The following PTPRT variants were observed in gnomAD, a reference collection of about 807,000 sequenced individuals.
PTPRT encodes the protein receptor-type tyrosine-protein phosphatase T.
Under a neutral mutation model 176.8 loss-of-function variants are expected in PTPRT, and 56 were observed. The ratio of observed to expected loss-of-function variants is 0.32; its 90% CI spans 0.26 to 0.40. The LOEUF is 0.40. PTPRT is among the 10% of genes least tolerant of loss of function. PTPRT has a pLI of 1.00. For missense variants in PTPRT, 1,540 were observed against 1,908.2 expected (o/e 0.81, Z 3.60); for synonymous variants, 783 against 739.0 (o/e 1.06, Z -0.96).
Position 42,935,862 on chromosome 20 carries a change from G to T in PTPRT, c.89-49930C>A, listed in dbSNP as rs149485762. On this transcript the variant is annotated intron_variant, in intron 1 of 30. Transcript: ENST00000373187. The stretch of plus-strand genomic sequence containing the variant: ...TCTCCTGGATTGAAGTAATTCTCCT[G>T]CCTCAGCCTCCCGAGTAGCTGGGAT... Among the ~76,000 whole-genome samples, 416 of 152,224 alleles carry T rather than the reference G, an allele frequency of 2.7e-3. 1 individual carries two copies. Among genetic ancestry groups the T allele is most frequent in the African/African-American group, 9.6e-3 (399 of 41,536 alleles).
intron 1 of PTPRT, among the ~76,000 whole-genome samples, chr20:43,183,866 A>C (rs1213762546): frequency 6.6e-6 from 1 of 152,202 alleles, no homozygotes; most frequent in African/African-American, 2.4e-5. Context: ...TCAGCAGTTC[A>C]TTCCTTTTTA....
rs145103147 is a variant in PTPRT, at chr20:43,148,171, G to T, written c.88+41475C>A. 4.5e-4 allele frequency among the ~76,000 whole-genome samples: 68 copies of T among 152,192 alleles called. 1 individual carries two copies. The Middle Eastern group carries it at 0.014, about 30-fold the overall frequency. On this transcript the variant is annotated intron_variant, in intron 1 of 30. Transcript: ENST00000373187. Reference sequence around the variant, plus strand: ...TCATCTTGGCCACACCCTCACACCTGCCCTTCACTCCCAACTCCACAAAAT... The same window carrying T: ...TCATCTTGGCCACACCCTCACACCTTCCCTTCACTCCCAACTCCACAAAAT...
chr20:42,230,875 G>T (rs1045083621), intron 15 of PTPRT, among the ~76,000 whole-genome samples: 1 of 152,118 alleles, frequency 6.6e-6, no homozygotes, highest in Admixed American at 6.5e-5. Context: ...TGTGTCCCTG[G>T]GTCCCCAGAT....
Position 42,884,370 on chromosome 20 carries a change from G to A in PTPRT, c.214+1437C>T, listed in dbSNP as rs567491337. Among the ~76,000 whole-genome samples the A allele has an allele frequency of 3.3e-5, 5 of 152,172 alleles. No homozygotes were observed. In the South Asian group the frequency reaches 1.0e-3, roughly 32 times the overall value. On this transcript the variant is annotated intron_variant, in intron 2 of 30. Coordinates refer to ENST00000373187, the MANE Select transcript of PTPRT (RefSeq NM_007050.6). ...TAGGAGCTATCCATAACCATCCAGTGCCTCCTGTTTTGGAGCCAGACTCAA... is the reference window on the plus strand; with the variant it reads ...TAGGAGCTATCCATAACCATCCAGTACCTCCTGTTTTGGAGCCAGACTCAA...
chr20:42,808,157 T>C (rs764428429), intron 2 of PTPRT, among the ~76,000 whole-genome samples: 15 of 152,228 alleles, frequency 9.9e-5, no homozygotes, highest in Non-Finnish European at 2.1e-4. Flanking sequence ...TGGCTAATGA[T>C]GTCCTGAGGT....
At chr20:42,238,551 G>A (rs566164165) in intron 14 of PTPRT, among the ~76,000 whole-genome samples, 1 of 152,220 alleles carries the variant, frequency 6.6e-6, no homozygotes, top group Non-Finnish European at 1.5e-5. Flanking sequence ...GTGCCTGGAA[G>A]GTGATTCCCC....
rs563701309 is a variant in PTPRT, at chr20:42,529,519, C to T, written c.1154-56957G>A. 3.3e-5 allele frequency among the ~76,000 whole-genome samples: 5 copies of T among 152,212 alleles called. No homozygotes were observed. In the East Asian group the frequency reaches 5.8e-4, roughly 18 times the overall value. On this transcript the variant is annotated intron_variant, in intron 7 of 30. Coordinates refer to ENST00000373187, the MANE Select transcript of PTPRT (RefSeq NM_007050.6). Reference sequence around the variant, plus strand: ...TTATTTTTTTGGAGATGGAGTCTCACTCTGCTGCCCCGGCTGGAGTACACT... The same window carrying T: ...TTATTTTTTTGGAGATGGAGTCTCATTCTGCTGCCCCGGCTGGAGTACACT...
intron 7 of PTPRT, among the ~76,000 whole-genome samples, chr20:42,626,473 G>C (rs1350664073): frequency 6.6e-6 from 1 of 152,078 alleles, no homozygotes; most frequent in African/African-American, 2.4e-5. Flanking sequence ...AACAACCAAA[G>C]GGAACTGTTT....
In PTPRT at chr20:42,620,414, C is replaced by G. The variant is rs933293901; in HGVS notation, c.1153+57452G>C. Among the ~76,000 whole-genome samples the G allele has an allele frequency of 4.7e-5, 7 of 149,860 alleles. No individual in the cohort carries two copies. The East Asian group carries it at 1.4e-3, about 29-fold the overall frequency. ...TTTTTGTTTGTCTGTGCCCTGCCCC[C>G]AGAGGTGGAGCCTACAGAGGCAGGC... On this transcript the variant is annotated intron_variant, in intron 7 of 30. Transcript: ENST00000373187.
chr20:42,314,306 A>G (rs2057681286), intron 12 of PTPRT, among the ~76,000 whole-genome samples: 1 of 152,164 alleles, frequency 6.6e-6, no homozygotes, highest in African/African-American at 2.4e-5. Context: ...AGGTGGGCAG[A>G]TCACGAGGTC....
chr20:42,605,795 C>G (rs1193728497), intron 7 of PTPRT, among the ~76,000 whole-genome samples: 1 of 152,196 alleles, frequency 6.6e-6, no homozygotes, highest in Non-Finnish European at 1.5e-5. Context: ...CCTCAGTCCA[C>G]CGATTAGAGG....
At chr20:43,124,247 A>G (rs2013364221) in intron 1 of PTPRT, among the ~76,000 whole-genome samples, 1 of 152,254 alleles carries the variant, frequency 6.6e-6, no homozygotes, top group Non-Finnish European at 1.5e-5. Flanking sequence ...TTTTAGAAAT[A>G]AAGATTTGAA....
intron 2 of PTPRT, among the ~76,000 whole-genome samples, chr20:42,833,525 G>C (rs113726041): frequency 6.6e-6 from 1 of 151,898 alleles, no homozygotes; most frequent in Admixed American, 6.6e-5. Context: ...CAAGGATGCA[G>C]TGAGCTATGA....
intron 7 of PTPRT, among the ~76,000 whole-genome samples, chr20:42,621,188 A>T (rs1157863628): frequency 6.6e-6 from 1 of 152,122 alleles, no homozygotes; most frequent in East Asian, 1.9e-4. Context: ...TCCTAAAGCA[A>T]GGTGCATCCT....
chr20:42,267,159 T>C (rs1215174904), intron 13 of PTPRT, among the ~76,000 whole-genome samples: 1 of 152,246 alleles, frequency 6.6e-6, no homozygotes, highest in Non-Finnish European at 1.5e-5. Flanking sequence ...ATTCTGCTTT[T>C]CACTTTCAGT....
chr20:42,896,890 G>A (rs1159222683), intron 1 of PTPRT, among the ~76,000 whole-genome samples: 2 of 152,158 alleles, frequency 1.3e-5, no homozygotes, highest in Non-Finnish European at 2.9e-5. Flanking sequence ...ACCCTATCGT[G>A]GGTAGCTGAT....
In PTPRT at chr20:43,179,259, C is replaced by T. The variant is rs75953427; in HGVS notation, c.88+10387G>A. ...ACCAAAACCAAGAGTTCAGGCATGACGTGTTTCAATCCATATAATAACTTA... is the reference window on the plus strand; with the variant it reads ...ACCAAAACCAAGAGTTCAGGCATGATGTGTTTCAATCCATATAATAACTTA... On this transcript the variant is annotated intron_variant, in intron 1 of 30. Coordinates refer to ENST00000373187, the MANE Select transcript of PTPRT (RefSeq NM_007050.6). Among the ~76,000 whole-genome samples, 388 of 152,232 alleles carry T rather than the reference C, an allele frequency of 2.5e-3. 3 individuals are homozygous for T. The highest frequency in any genetic ancestry group is 0.01 in the Middle Eastern group (3 of 294).
intron 7 of PTPRT, among the ~76,000 whole-genome samples, chr20:42,635,504 T>C (rs1171585153): frequency 6.6e-6 from 1 of 152,170 alleles, no homozygotes; most frequent in Non-Finnish European, 1.5e-5. Flanking sequence ...TTAACATCCA[T>C]ATTTTTCTCC....
intron 1 of PTPRT, among the ~76,000 whole-genome samples, chr20:42,964,492 T>C (rs564580041): frequency 1.3e-5 from 2 of 151,154 alleles, no homozygotes; most frequent in South Asian, 2.1e-4. Flanking sequence ...TAGCAATGCA[T>C]TGAGATATAG....
Sources: allele counts gnomAD v4.1 joint callset (sites outside exome capture counted in the v4.1 genomes callset), GRCh38; gene constraint gnomAD v4.1.1; transcripts MANE v1.5; gene names NCBI Gene and HGNC (gene_info 2026-07-23, HGNC 2026-07-21).